Variants in KNCN observed in about 807,000 individuals in gnomAD.
KNCN encodes kinocilin.
Under a neutral mutation model 10.4 loss-of-function variants are expected in KNCN, and 11 were observed. That is an observed-to-expected ratio of 1.06 (90% CI 0.67 to 1.75). The LOEUF (loss-of-function observed/expected upper bound fraction) is 1.75. KNCN is among the 40% of genes most tolerant of loss of function. The pLI is 0.00. For missense variants in KNCN, 172 were observed against 167.1 expected (o/e 1.03, Z -0.16); for synonymous variants, 67 against 71.6 (o/e 0.94, Z 0.33).
At chr1:46,550,080 A>C in intron 1 of KNCN, 78 bp from the exon 2 acceptor site, 3 of 1,548,342 alleles carry the variant, frequency 1.9e-6, no homozygotes, top group Middle Eastern at 4.0e-4. Context: ...TGGGAGCCTG[A>C]GGGGTGGTTT....
In KNCN at chr1:46,551,110, C is replaced by T; in HGVS notation, c.106G>A (p.Ala36Thr). 2.5e-6 allele frequency: 4 copies of T among 1,610,994 alleles called. No homozygotes were observed. The highest frequency in any genetic ancestry group is 2.5e-6 in the Non-Finnish European group (3 of 1,178,480). Residue 36 changes from alanine (A) to threonine (T), a missense_variant, in exon 1 of 4, where the codon GCT becomes ACT. Transcript: ENST00000481882. This position sits in a 1 kb window ranked among gnomAD's most constrained non-coding sequence, Gnocchi z 4.0. ...AAGACACCGCCCATGGCAGCTGCAG[C>T]CTTGGATACGGAGATGCCGATAATG... ...SIIIGISVSK[A>T]AAAMGGVFIG...
intron 2 of KNCN, 139 bp downstream of exon 2, chr1:46,549,795 C>G: frequency 6.9e-7 from 1 of 1,442,974 alleles, no homozygotes; most frequent in Non-Finnish European, 9.4e-7. Context: ...CACACACACA[C>G]AGCAGCTCTA....
Position 46,551,055 on chromosome 1 carries a change from C to T in KNCN, c.151+10G>A. Reference sequence around the variant, plus strand: ...TCTCCCTTCCCTATCCCAGCCCAGCCCCTGCTCACCCAGAACAGCAGCGCC... The same window carrying T: ...TCTCCCTTCCCTATCCCAGCCCAGCTCCTGCTCACCCAGAACAGCAGCGCC... On this transcript the variant is annotated intron_variant, in intron 1 of 3. Coordinates refer to ENST00000481882, the MANE Select transcript of KNCN (RefSeq NM_001322255.2). The surrounding 1 kb of genome is among the most constrained non-coding windows in gnomAD (Gnocchi z 4.0). 6.3e-7 allele frequency: 1 copy of T among 1,576,080 alleles called. No homozygotes were observed. Among genetic ancestry groups the T allele is most frequent in the Non-Finnish European group, 8.6e-7 (1 of 1,160,080 alleles).
rs1270337947 is a variant in KNCN, at chr1:46,551,191, C to T, written c.25G>A (p.Asp9Asn). Residue 9 changes from aspartate to asparagine, a missense_variant, in exon 1 of 4, where the codon GAC becomes AAC. By Grantham distance (23) the Asp-to-Asn change is conservative (BLOSUM62 1). Transcript: ENST00000481882. The surrounding 1 kb of genome is among the most constrained non-coding windows in gnomAD (Gnocchi z 4.0). ...CAGGCCAGCTGCAGGCCGCGGAAGT[C>T]TCTGCTGCTGATGGGGATGTCCATG... Reference protein sequence around the residue: MDIPISSRDFRGLQLACVA... With the variant: MDIPISSRNFRGLQLACVA... 15 of 1,609,962 alleles carry T rather than the reference C, an allele frequency of 9.3e-6. No homozygotes were observed. The highest frequency in any genetic ancestry group is 1.3e-5 in the Non-Finnish European group (15 of 1,178,214).
chr1:46,551,418 C>T lies in KNCN; in HGVS notation c.-203G>A. On this transcript the variant is annotated 5_prime_UTR_variant, in exon 1 of 4. Transcript: ENST00000481882. This position sits in a 1 kb window ranked among gnomAD's most constrained non-coding sequence, Gnocchi z 4.0. The stretch of plus-strand genomic sequence containing the variant: ...TCCACTACGGGCCCCCCAGTCCCAC[C>T]TTGACCAGGGATCTGTACGAGGTCA... 1.8e-6 allele frequency: 1 copy of T among 544,018 alleles called. No homozygotes were observed. Among genetic ancestry groups the T allele is most frequent in the Non-Finnish European group, 3.1e-6 (1 of 317,624 alleles). 33.7% of individuals were successfully genotyped at this position (544,018 alleles called of 1,614,324 possible).
rs1198144576 is a variant in KNCN, at chr1:46,547,816, G to A, written c.296-7C>T. ...GACAGGCTGCTGCGGGCTCCTGGGG[G>A]AGAGAACAGGGACGAGGACTGCCTC... On this transcript the variant is annotated splice_polypyrimidine_tract_variant and splice_region_variant and intron_variant, in intron 3 of 3. Coordinates refer to ENST00000481882, the MANE Select transcript of KNCN (RefSeq NM_001322255.2). 1 of 1,454,762 alleles carries A rather than the reference G, an allele frequency of 6.9e-7. No homozygotes were observed. Among genetic ancestry groups the A allele is most frequent in the South Asian group, 1.5e-5 (1 of 67,988 alleles). 90.1% of individuals were successfully genotyped at this position (1,454,762 alleles called of 1,614,324 possible).
rs752921494 is a variant in KNCN at position 46,547,339 on chromosome 1, C to T, written c.*391G>A. 5.7e-5 allele frequency: 27 copies of T among 474,226 alleles called. No individual in the cohort carries two copies. Among genetic ancestry groups the T allele is most frequent in the Middle Eastern group, 3.1e-4 (1 of 3,194 alleles). The allele number at this position is 474,226 out of a possible 1,614,324, so 29.4% of individuals were successfully genotyped here. A position where few individuals can be genotyped will look rare whatever the true frequency, so the allele number is the denominator to read the frequency against. ...TGGGCCTGTGGTTCACTTCTGTAGCCGGGTTAGAGCAAGGGACTGGGGCAT... is the reference window on the plus strand; with the variant it reads ...TGGGCCTGTGGTTCACTTCTGTAGCTGGGTTAGAGCAAGGGACTGGGGCAT... On this transcript the variant is annotated 3_prime_UTR_variant, in exon 4 of 4. Transcript: ENST00000481882.
Position 46,547,015 on chromosome 1 carries a change from G to A in KNCN, c.*715C>T, listed in dbSNP as rs1334614100. ...GAGCAGTGAGAAGATGGGAGGAAGA[G>A]AGAAGTCAGATCACAAAAAGCCTTG... On this transcript the variant is annotated 3_prime_UTR_variant, in exon 4 of 4. Transcript: ENST00000481882. 5 of 206,764 alleles carry A rather than the reference G, an allele frequency of 2.4e-5. No individual in the cohort carries two copies. The highest frequency in any genetic ancestry group is 1.2e-4 in the African/African-American group (5 of 43,230). The allele number at this position is 206,764 out of a possible 1,614,324, so 12.8% of individuals were successfully genotyped here.
chr1:46,551,183 G>A lies in KNCN; in HGVS notation c.33C>T (p.Arg11=), dbSNP rs777275777. 1.6e-5 allele frequency: 25 copies of A among 1,609,926 alleles called. No homozygotes were observed. Among genetic ancestry groups the A allele is most frequent in the Middle Eastern group, 3.3e-4 (2 of 6,070 alleles). The part of the protein sequence containing the change: MDIPISSRDF[R]GLQLACVALG... ...GAGCCACGCAGGCCAGCTGCAGGCC[G>A]CGGAAGTCTCTGCTGCTGATGGGGA... The change falls in exon 1 of 4, where the codon CGC becomes CGT. Residue 11 remains arginine, a synonymous_variant. Coordinates refer to ENST00000481882, the MANE Select transcript of KNCN (RefSeq NM_001322255.2). This position sits in a 1 kb window ranked among gnomAD's most constrained non-coding sequence, Gnocchi z 4.0.
At chr1:46,549,434 A>G (rs1284514712) in intron 2 of KNCN, among the ~76,000 whole-genome samples, 167 bp from the exon 3 acceptor site, 2 of 152,164 alleles carry the variant, frequency 1.3e-5, no homozygotes, top group African/African-American at 4.8e-5. Flanking sequence ...TTTGGGCAGG[A>G]GAAAAAGAAC....
intron 3 of KNCN, 75 bp from the exon 4 acceptor site, chr1:46,547,884 A>G: frequency 8.6e-7 from 1 of 1,159,958 alleles, no homozygotes; most frequent in Non-Finnish European, 1.2e-6. Context: ...AGAGGAACTC[A>G]GAGGGACCCA....
Position 46,545,708 on chromosome 1 carries a change from A to G in KNCN, c.*2022T>C, listed in dbSNP as rs1666924428. The G allele has an allele frequency of 6.6e-6, 1 of 152,048 alleles. No individual in the cohort carries two copies. Among genetic ancestry groups the G allele is most frequent in the South Asian group, 2.1e-4 (1 of 4,824 alleles). The allele number at this position is 152,048 out of a possible 1,614,324, so 9.4% of individuals were successfully genotyped here. A position where few individuals can be genotyped will look rare whatever the true frequency, so the allele number is the denominator to read the frequency against. On this transcript the variant is annotated 3_prime_UTR_variant, in exon 4 of 4. Coordinates refer to ENST00000481882, the MANE Select transcript of KNCN (RefSeq NM_001322255.2). ...CTCTCTCTGCCTGGCCCTGCCAGGC[A>G]TCGGGGATTCCATAGCCCCACCCTG...
intron 2 of KNCN, 140 bp downstream of exon 2, chr1:46,549,794 A>C: frequency 6.9e-7 from 1 of 1,456,290 alleles, no homozygotes. Flanking sequence ...ACACACACAC[A>C]CAGCAGCTCT....
chr1:46,550,723 AC>A (rs1667049188), intron 1 of KNCN, among the ~76,000 whole-genome samples: 1 of 152,044 alleles, frequency 6.6e-6, no homozygotes, highest in Non-Finnish European at 1.5e-5. Flanking sequence ...CTGTCCTTTT[AC>A]CTGCCGCCAT....
At position 46,548,199 on chromosome 1, in the gene KNCN, C is replaced by G. The variant is rs145318345; in HGVS notation, c.296-390G>C. Among the ~76,000 whole-genome samples, 14 of 152,262 alleles carry G rather than the reference C, an allele frequency of 9.2e-5. No homozygotes were observed. The East Asian group carries it at 2.7e-3, about 29-fold the overall frequency. On this transcript the variant is annotated intron_variant, in intron 3 of 3. Transcript: ENST00000481882. Reference sequence around the variant, plus strand: ...CTGCCCTCATGTGGTTGTTGTGAGACTTAAAAGAGCGAATAATAGATGAAC... The same window carrying G: ...CTGCCCTCATGTGGTTGTTGTGAGAGTTAAAAGAGCGAATAATAGATGAAC...
intron 2 of KNCN, 151 bp downstream of exon 2, chr1:46,549,783 C>A: frequency 7.9e-6 from 5 of 629,110 alleles, no homozygotes; most frequent in Non-Finnish European, 8.8e-6. Context: ...GCCTGCACAA[C>A]ACACACACAC....
rs1217062248 is a variant in KNCN at position 46,547,368 on chromosome 1, G to A, written c.*362C>T. ...TTAGAGCAAGGGACTGGGGCATCCT[G>A]GTCATAGTCAGGGCCTTGGACCCCA... On this transcript the variant is annotated 3_prime_UTR_variant, in exon 4 of 4. Coordinates refer to ENST00000481882, the MANE Select transcript of KNCN (RefSeq NM_001322255.2). The A allele has an allele frequency of 2.0e-6, 1 of 498,766 alleles. No homozygotes were observed. Among genetic ancestry groups the A allele is most frequent in the Non-Finnish European group, 3.9e-6 (1 of 254,474 alleles). The allele number at this position is 498,766 out of a possible 1,614,324, so 30.9% of individuals were successfully genotyped here.
chr1:46,548,878 C>T (rs976667442), intron 3 of KNCN, among the ~76,000 whole-genome samples: 36 of 152,304 alleles, frequency 2.4e-4, no homozygotes, highest in African/African-American at 7.5e-4. Context: ...CGGTGGCTCA[C>T]GCCTATAATC....
Position 46,549,701 on chromosome 1 carries a change from A to G in KNCN, c.220+233T>C, listed in dbSNP as rs1021538080. On this transcript the variant is annotated intron_variant, in intron 2 of 3. Transcript: ENST00000481882. ...TCATAAAATCTCTCAAGGGAGATGAACTTCCCAGCTCTGAGCTGGTTCAGG... is the reference window on the plus strand; with the variant it reads ...TCATAAAATCTCTCAAGGGAGATGAGCTTCCCAGCTCTGAGCTGGTTCAGG... The G allele has an allele frequency of 3.3e-5, 22 of 661,542 alleles. No homozygotes were observed. In the African/African-American group the frequency reaches 3.5e-4, roughly 10 times the overall value. The allele number at this position is 661,542 out of a possible 1,614,324, so 41.0% of individuals were successfully genotyped here.
Sources: allele counts gnomAD v4.1 joint callset (sites outside exome capture counted in the v4.1 genomes callset), GRCh38; gene constraint gnomAD v4.1.1; non-coding constraint Gnocchi (gnomAD v3.1); transcripts MANE v1.5; gene names NCBI Gene and HGNC (gene_info 2026-07-23, HGNC 2026-07-21).